The following HMGA2 variants were observed in gnomAD, a reference collection of about 807,000 sequenced individuals.
HMGA2 encodes the protein high mobility group AT-hook 2.
In HMGA2, 8 loss-of-function variants were observed where a neutral mutation model predicts 19.1. The observed-to-expected ratio is 0.42, with a 90% CI of 0.25 to 0.76. The LOEUF (loss-of-function observed/expected upper bound fraction) is 0.76. HMGA2 is among the 30% of genes least tolerant of loss of function. The pLI is 0.28. For synonymous variants in HMGA2, 60 were observed against 48.8 expected (o/e 1.23, Z -0.96); for missense variants, 109 against 136.3 (o/e 0.80, Z 1.00).
chr12:65,948,220 G>C (rs1876333490), intron 3 of HMGA2, among the ~76,000 whole-genome samples: 1 of 152,212 alleles, frequency 6.6e-6, no homozygotes, highest in African/African-American at 2.4e-5. Context: ...TATAGGAAAT[G>C]CATGTGCAAA....
In HMGA2 at chr12:65,858,580, TTC is replaced by T. The variant is rs1185606152; in HGVS notation, c.249+20015_249+20016del. ...CAATTTTGCTGTGCTTCTTTGATTT[TTC>T]TCTGTTTTTGTTTAATGGGTACCTT... On this transcript the variant is annotated intron_variant, in intron 3 of 4. Coordinates refer to ENST00000403681, the MANE Select transcript of HMGA2 (RefSeq NM_003483.6). The T allele has an allele frequency of 2.0e-5, 3 of 152,350 alleles. No individual in the cohort carries two copies. In the East Asian group the frequency reaches 5.8e-4, roughly 29 times the overall value. 9.4% of individuals were successfully genotyped at this position (152,350 alleles called of 1,614,324 possible). A position where few individuals can be genotyped will look rare whatever the true frequency, so the allele number is the denominator to read the frequency against.
Position 65,900,713 on chromosome 12 carries a change from G to C in HMGA2, c.250-50670G>C, listed in dbSNP as rs780501835. ...TGAGCCCAATTTTTGTAGTACAAGC[G>C]CTGGTAATTACTGAACACTCACTCA... On this transcript the variant is annotated intron_variant, in intron 3 of 4. Coordinates refer to ENST00000403681, the MANE Select transcript of HMGA2 (RefSeq NM_003483.6). 2.6e-5 allele frequency among the ~76,000 whole-genome samples: 4 copies of C among 152,134 alleles called. No individual in the cohort carries two copies. The South Asian group carries it at 8.3e-4, about 31-fold the overall frequency.
At chr12:65,840,508 C>G (rs562443283) in intron 3 of HMGA2, among the ~76,000 whole-genome samples, 1 of 152,316 alleles carries the variant, frequency 6.6e-6, no homozygotes, top group South Asian at 2.1e-4. Context: ...AATCAGGCTT[C>G]TTACATGCAC....
intron 3 of HMGA2, among the ~76,000 whole-genome samples, chr12:65,883,357 AGATAAG>A (rs1169279757): frequency 6.6e-6 from 1 of 152,366 alleles, no homozygotes; most frequent in East Asian, 1.9e-4. Flanking sequence ...CACTTGTTAA[AGATAAG>A]GATAACAACA....
At chr12:65,837,334 A>G (rs995881449) in intron 2 of HMGA2, among the ~76,000 whole-genome samples, 1 of 152,170 alleles carries the variant, frequency 6.6e-6, no homozygotes, top group Non-Finnish European at 1.5e-5. Flanking sequence ...CTATCCATCT[A>G]TCTGTTTGTC....
chr12:65,847,577 G>A (rs1235060622), intron 3 of HMGA2, among the ~76,000 whole-genome samples: 1 of 152,168 alleles, frequency 6.6e-6, no homozygotes, highest in Admixed American at 6.5e-5. Flanking sequence ...TCAGCAAAGT[G>A]ATTAAGAGCT....
chr12:65,836,828 A>C (rs1055105051), intron 2 of HMGA2, among the ~76,000 whole-genome samples: 4 of 152,200 alleles, frequency 2.6e-5, no homozygotes, highest in Non-Finnish European at 4.4e-5. Context: ...GAACCCCTAA[A>C]GGCTACCAGG....
intron 3 of HMGA2, among the ~76,000 whole-genome samples, chr12:65,879,233 T>C (rs937685642): frequency 6.6e-6 from 1 of 151,994 alleles, no homozygotes; most frequent in Non-Finnish European, 1.5e-5. Flanking sequence ...GCTCTGGTGG[T>C]CCTCCCTTCT....
intron 3 of HMGA2, among the ~76,000 whole-genome samples, chr12:65,873,355 C>G (rs544026527): frequency 6.6e-6 from 1 of 152,162 alleles, no homozygotes; most frequent in African/African-American, 2.4e-5. Flanking sequence ...GCACCAAATA[C>G]GGCAGCCATC....
intron 3 of HMGA2, among the ~76,000 whole-genome samples, chr12:65,907,858 C>T (rs551669930): frequency 6.6e-6 from 1 of 152,168 alleles, no homozygotes; most frequent in South Asian, 2.1e-4. Flanking sequence ...ATTTCCAGTC[C>T]TTCTACTGCT....
Position 65,825,080 on chromosome 12 carries a change from C to A in HMGA2, c.-191C>A. ...TCCTCCCCTCTTCTCTTTTTGGCAG[C>A]CGCTGGACGTCCGGTGTTGATGGTG... On this transcript the variant is annotated 5_prime_UTR_variant, in exon 1 of 5. Coordinates refer to ENST00000403681, the MANE Select transcript of HMGA2 (RefSeq NM_003483.6). The surrounding 1 kb of genome is among the most constrained non-coding windows in gnomAD (Gnocchi z 4.4). 1 of 509,042 alleles carries A rather than the reference C, an allele frequency of 2.0e-6. No homozygotes were observed. Among genetic ancestry groups the A allele is most frequent in the South Asian group, 2.6e-5 (1 of 37,960 alleles). 31.5% of individuals were successfully genotyped at this position (509,042 alleles called of 1,614,324 possible).
At chr12:65,943,289 CTG>C (rs1050160417) in intron 3 of HMGA2, among the ~76,000 whole-genome samples, 1 of 152,168 alleles carries the variant, frequency 6.6e-6, no homozygotes, top group African/African-American at 2.4e-5. Flanking sequence ...AATCATGACA[CTG>C]TGATTTTTAA....
Position 65,884,918 on chromosome 12 carries a change from C to A in HMGA2, c.249+46349C>A, listed in dbSNP as rs566698764. On this transcript the variant is annotated intron_variant, in intron 3 of 4. Transcript: ENST00000403681. ...AAAGTGCTTCAAATTGCGCCTGGCA[C>A]ATAGTGCTATATGTGTTAATTAATT... 6.8e-4 allele frequency among the ~76,000 whole-genome samples: 103 copies of A among 152,348 alleles called. 1 individual carries two copies. The highest frequency in any genetic ancestry group is 2.5e-3 in the African/African-American group (102 of 41,586).
intron 4 of HMGA2, chr12:65,952,630 A>G (rs1219635685): frequency 3.1e-6 from 2 of 654,282 alleles, no homozygotes; most frequent in African/African-American, 3.6e-5. Flanking sequence ...GCAATATTTA[A>G]AAATATATAC....
intron 3 of HMGA2, among the ~76,000 whole-genome samples, chr12:65,940,568 ATTTT>A: frequency 6.6e-6 from 1 of 152,178 alleles, no homozygotes; most frequent in Non-Finnish European, 1.5e-5. Context: ...AACAGATGCT[ATTTT>A]TATAGATAAA....
At chr12:65,933,119 G>A (rs966246301) in intron 3 of HMGA2, among the ~76,000 whole-genome samples, 2 of 151,914 alleles carry the variant, frequency 1.3e-5, no homozygotes, top group South Asian at 2.1e-4. Flanking sequence ...GCATTCTTAC[G>A]AATTCTTTAT....
At chr12:65,843,682 A>ACACACACACACACACACACACAAG (rs1565704983) in intron 3 of HMGA2, among the ~76,000 whole-genome samples, 9 of 151,786 alleles carry the variant, frequency 5.9e-5, no homozygotes, top group African/African-American at 2.2e-4. Flanking sequence ...ACACACACAC[A>ACACACACACACACACACACACAAG]CACACACACA....
In HMGA2 at chr12:65,914,941, C is replaced by T. The variant is rs558971607; in HGVS notation, c.250-36442C>T. 4 of 1,416,996 alleles carry T rather than the reference C, an allele frequency of 2.8e-6. No homozygotes were observed. In the South Asian group the frequency reaches 4.6e-5, roughly 16 times the overall value. 87.8% of individuals were successfully genotyped at this position (1,416,996 alleles called of 1,614,324 possible). On this transcript the variant is annotated intron_variant, in intron 3 of 4. Transcript: ENST00000403681. ...CCACCCACCTTGGCCTCTCAAAGTG[C>T]TGGGAATACAGGCGTGAGCCATCGT...
intron 3 of HMGA2, chr12:65,842,475 C>G: frequency 1.2e-6 from 1 of 832,230 alleles, no homozygotes. Context: ...TCAGACTAAC[C>G]AAGTACCCTT....
Sources: gnomAD v4.1 joint callset for allele counts (sites outside exome capture counted in the v4.1 genomes callset) on GRCh38, gnomAD v4.1.1 for gene constraint, Gnocchi (gnomAD v3.1) non-coding constraint, MANE v1.5 for transcripts, NCBI Gene and HGNC (gene_info 2026-07-23, HGNC 2026-07-21) for gene names.